MYO10: variants seen among roughly 807,000 people sequenced by gnomAD.
MYO10 encodes unconventional myosin-X.
Under a neutral mutation model 257.3 loss-of-function variants are expected in MYO10, and 133 were observed. The observed-to-expected ratio is 0.52, with a 90% CI of 0.45 to 0.60. The LOEUF is 0.60. Among genes scored for constraint, MYO10 ranks in the 20% least tolerant of loss-of-function variants. The probability of loss-of-function intolerance (pLI) is 0.00; values close to 1 mark genes in which losing one functional copy is unlikely to be tolerated. For missense variants in MYO10, 2,399 were observed against 2,635.7 expected (o/e 0.91, Z 1.97); for synonymous variants, 1,104 against 1,028.6 (o/e 1.07, Z -1.40).
chr5:16,855,997 C>CT (rs1480727565), intron 2 of MYO10, among the ~76,000 whole-genome samples: 2 of 152,200 alleles, frequency 1.3e-5, no homozygotes, highest in African/African-American at 2.4e-5. Context: ...GAACGACGGA[C>CT]TTTAACGTCT....
At chr5:16,672,664 G>A (rs923479241) in intron 37 of MYO10, 25 bp downstream of exon 37, 1 of 1,613,356 alleles carries the variant, frequency 6.2e-7, no homozygotes, top group Non-Finnish European at 8.5e-7. Flanking sequence ...TTGCTCTTCT[G>A]ACACAGTAGG....
At chr5:16,918,422 T>C (rs1284993101) in intron 1 of MYO10, among the ~76,000 whole-genome samples, 1 of 151,726 alleles carries the variant, frequency 6.6e-6, no homozygotes, top group Non-Finnish European at 1.5e-5. Context: ...AAATAACTGA[T>C]GAAATTCAGT....
intron 36 of MYO10, among the ~76,000 whole-genome samples, chr5:16,673,148 A>G (rs1277494969): frequency 6.6e-6 from 1 of 151,160 alleles, no homozygotes; most frequent in Non-Finnish European, 1.5e-5. Flanking sequence ...CTTTTGGCTG[A>G]TAAATTTATG....
intron 2 of MYO10, among the ~76,000 whole-genome samples, chr5:16,851,078 A>G (rs1037317105): frequency 2.0e-5 from 3 of 152,148 alleles, no homozygotes; most frequent in African/African-American, 7.2e-5. Context: ...TGCTGGGATT[A>G]CAGGTGTGAG....
Position 16,673,866 on chromosome 5 carries a change from C to A in MYO10, c.4988G>T (p.Ser1663Ile), listed in dbSNP as rs25901. 7 of 1,613,806 alleles carry A rather than the reference C, an allele frequency of 4.3e-6. No individual in the cohort carries two copies. The highest frequency in any genetic ancestry group is 5.1e-6 in the Non-Finnish European group (6 of 1,179,846). Reference sequence around the variant, plus strand: ...GAAGAGAGCGTATTTTTCCATCTCGCTTCCTGGAAACTGTTCCCGTATCCT... The same window carrying A: ...GAAGAGAGCGTATTTTTCCATCTCGATTCCTGGAAACTGTTCCCGTATCCT... ...LKRIREQFPGSEMEKYALFTY... is the reference protein window; with the variant it reads ...LKRIREQFPGIEMEKYALFTY... The change falls in exon 36 of 41, where the codon AGC becomes ATC. Residue 1663 changes from serine to isoleucine, a missense_variant. By Grantham distance (142) the Ser-to-Ile change is moderately radical (BLOSUM62 -2). Around this residue, in one of 3 missense-constraint regions of MYO10, gnomAD observed 1,820 missense variants for 1,939.4 expected, o/e 0.94. Coordinates refer to ENST00000513610, the MANE Select transcript of MYO10 (RefSeq NM_012334.3).
At chr5:16,869,090 TTGCGGCTCAC>T (rs1561028077) in intron 2 of MYO10, among the ~76,000 whole-genome samples, 1 of 152,090 alleles carries the variant, frequency 6.6e-6, no homozygotes, top group African/African-American at 2.4e-5. Context: ...AGTGGCGCCA[TTGCGGCTCAC>T]TGCAAGCTCC....
intron 2 of MYO10, among the ~76,000 whole-genome samples, chr5:16,838,447 T>C (rs1030895840): frequency 2.0e-5 from 3 of 151,366 alleles, no homozygotes; most frequent in Non-Finnish European, 4.4e-5. Flanking sequence ...CTCATTCTCT[T>C]CAATTCTATC....
intron 18 of MYO10, among the ~76,000 whole-genome samples, chr5:16,756,526 T>C (rs1349261609): frequency 2.0e-5 from 3 of 152,226 alleles, no homozygotes; most frequent in Non-Finnish European, 4.4e-5. Context: ...CTGAACTGTC[T>C]GAACACTACA....
intron 19 of MYO10, among the ~76,000 whole-genome samples, chr5:16,712,986 T>C (rs1738690076): frequency 6.6e-6 from 1 of 152,216 alleles, no homozygotes; most frequent in East Asian, 1.9e-4. Context: ...TGAAGGCATT[T>C]GGTTACAATG....
At chr5:16,902,382 C>T in intron 1 of MYO10, 2 of 1,260,028 alleles carry the variant, frequency 1.6e-6, no homozygotes, top group Non-Finnish European at 2.3e-6. Context: ...TTCACGAGAT[C>T]GATTCCTGAC....
chr5:16,851,746 T>C (rs929069493), intron 2 of MYO10, among the ~76,000 whole-genome samples: 1 of 152,174 alleles, frequency 6.6e-6, no homozygotes, highest in Non-Finnish European at 1.5e-5. Context: ...TATCACTTGT[T>C]AATTTAATTG....
At chr5:16,738,663 C>T (rs528297361) in intron 19 of MYO10, among the ~76,000 whole-genome samples, 12 of 152,028 alleles carry the variant, frequency 7.9e-5, no homozygotes, top group Non-Finnish European at 1.6e-4. Flanking sequence ...TATGTCAAGG[C>T]GGGTGGATCA....
At chr5:16,746,343 C>T (rs1348644542) in intron 19 of MYO10, among the ~76,000 whole-genome samples, 2 of 152,138 alleles carry the variant, frequency 1.3e-5, no homozygotes, top group African/African-American at 4.8e-5. Context: ...TTGTGCTGAC[C>T]TCCTATCTCA....
At chr5:16,803,237 C>A (rs1742175298) in intron 3 of MYO10, among the ~76,000 whole-genome samples, 1 of 152,042 alleles carries the variant, frequency 6.6e-6, no homozygotes, top group South Asian at 2.1e-4. Context: ...AGCCTGGGCA[C>A]TAATGTCAAA....
intron 2 of MYO10, among the ~76,000 whole-genome samples, chr5:16,827,372 C>T (rs1384128074): frequency 1.3e-5 from 2 of 152,150 alleles, no homozygotes; most frequent in Non-Finnish European, 2.9e-5. Flanking sequence ...CAACCTCCTC[C>T]GCCTCCTGGG....
chr5:16,711,169 CG>C lies in MYO10; in HGVS notation c.2005del (p.Arg669AlafsTer21). 8.1e-6 allele frequency: 13 copies of C among 1,613,650 alleles called. No individual in the cohort carries two copies. Among genetic ancestry groups the C allele is most frequent in the Non-Finnish European group, 1.1e-5 (13 of 1,179,758 alleles). ...TCTTCGGACCGCATACCCAGCTTTG[CG>C]GATTCTCACAGTCTCCAGCATCCCT... ...YSGMLETVRI[R>X]KAGYAVRRPF... is the part of the protein sequence containing the mutation. On this transcript the variant is annotated frameshift_variant, in exon 20 of 41. Coordinates refer to ENST00000513610, the MANE Select transcript of MYO10 (RefSeq NM_012334.3). LOFTEE classifies it high-confidence loss of function.
chr5:16,704,621 G>T lies in MYO10; in HGVS notation c.2234C>A (p.Ala745Glu). 6.2e-7 allele frequency: 1 copy of T among 1,613,866 alleles called. No individual in the cohort carries two copies. Among genetic ancestry groups the T allele is most frequent in the Non-Finnish European group, 8.5e-7 (1 of 1,179,872 alleles). The change falls in exon 22 of 41, where the codon GCG becomes GAG. Residue 745 changes from alanine to glutamate, a missense_variant. This residue lies in a region of MYO10 where 1,820 missense variants were observed against 1,939.4 expected (regional missense o/e 0.94). Coordinates refer to ENST00000513610, the MANE Select transcript of MYO10 (RefSeq NM_012334.3). ...EKRREEEVSH[A>E]AMVIRAHVLG... ...GACATGGGCCCGAATCACCATGGCCGCGTGGCTCACTTCCTCTTCCCTCCG... is the reference window on the plus strand; with the variant it reads ...GACATGGGCCCGAATCACCATGGCCTCGTGGCTCACTTCCTCTTCCCTCCG...
chr5:16,780,974 T>C (rs143238987), intron 6 of MYO10, among the ~76,000 whole-genome samples: 210 of 152,304 alleles, frequency 1.4e-3, no homozygotes, highest in African/African-American at 4.4e-3. Context: ...ACTGACACAG[T>C]TGATTTCAAA....
chr5:16,760,012 C>G (rs1740656663), intron 17 of MYO10, among the ~76,000 whole-genome samples: 1 of 151,206 alleles, frequency 6.6e-6, no homozygotes, highest in Admixed American at 6.6e-5. Context: ...AGTATTACAG[C>G]TTTTAAACTT....
Sources: gnomAD v4.1 joint callset for allele counts (sites outside exome capture counted in the v4.1 genomes callset) on GRCh38, gnomAD v4.1.1 for gene constraint, gnomAD v4.1.1 regional missense constraint, MANE v1.5 for transcripts, NCBI Gene and HGNC (gene_info 2026-07-23, HGNC 2026-07-21) for gene names.